ZNF385B: variants seen among roughly 807,000 people sequenced by gnomAD.
ZNF385B encodes zinc finger protein 533.
Under a neutral mutation model 39.2 loss-of-function variants are expected in ZNF385B, and 23 were observed. The observed-to-expected ratio is 0.59, with a 90% CI of 0.42 to 0.83. The LOEUF is 0.83. Ranked by LOEUF, ZNF385B falls within the 40% of genes least tolerant of loss-of-function variation. The probability of loss-of-function intolerance (pLI) is 0.00; values close to 1 mark genes in which losing one functional copy is unlikely to be tolerated. For synonymous variants in ZNF385B, 205 were observed against 222.6 expected, an observed-to-expected ratio of 0.92 and a Z score of 0.70; for missense variants, 552 against 598.9, an observed-to-expected ratio of 0.92 and a Z score of 0.82.
intron 3 of ZNF385B, among the ~76,000 whole-genome samples, chr2:179,693,338 G>A (rs566493129): frequency 1.1e-4 from 17 of 152,274 alleles, no homozygotes; most frequent in African/African-American, 4.1e-4. Context: ...CTGAATGACT[G>A]AAGGGAGAAG....
chr2:179,802,810 C>T (rs1706115159), intron 1 of ZNF385B: 1 of 152,108 alleles, frequency 6.6e-6, no homozygotes, highest in Non-Finnish European at 1.5e-5. Flanking sequence ...CTCCATGATA[C>T]TATGCTGCTT....
intron 3 of ZNF385B, among the ~76,000 whole-genome samples, chr2:179,560,377 CT>C (rs1393875853): frequency 6.6e-6 from 1 of 152,158 alleles, no homozygotes; most frequent in African/African-American, 2.4e-5. Context: ...GTTCCCTTTG[CT>C]TTAAAAGACA....
At chr2:179,728,362 T>C (rs139824484) in intron 3 of ZNF385B, among the ~76,000 whole-genome samples, 1 of 152,106 alleles carries the variant, frequency 6.6e-6, no homozygotes, top group Non-Finnish European at 1.5e-5. Flanking sequence ...AAAAAATTAG[T>C]CTCAATTCCT....
chr2:179,663,184 A>G (rs1694701656), intron 3 of ZNF385B, among the ~76,000 whole-genome samples: 1 of 152,194 alleles, frequency 6.6e-6, no homozygotes, highest in South Asian at 2.1e-4. Context: ...TATTTAAGTT[A>G]TTGTTTTCAT....
chr2:179,534,870 G>A (rs1197621719), intron 4 of ZNF385B: 1 of 152,176 alleles, frequency 6.6e-6, no homozygotes, highest in Non-Finnish European at 1.5e-5. Context: ...GTAGGATATA[G>A]TTGATGAATG....
chr2:179,651,669 C>G (rs1373440493), intron 3 of ZNF385B, among the ~76,000 whole-genome samples: 1 of 152,052 alleles, frequency 6.6e-6, no homozygotes, highest in Non-Finnish European at 1.5e-5. Flanking sequence ...AAGACAGTCC[C>G]CGAGACTGAT....
intron 3 of ZNF385B, among the ~76,000 whole-genome samples, chr2:179,575,632 T>C (rs758048559): frequency 6.6e-6 from 1 of 152,120 alleles, no homozygotes; most frequent in Non-Finnish European, 1.5e-5. Context: ...TGATTCTACC[T>C]ACTTTACTGC....
intron 3 of ZNF385B, among the ~76,000 whole-genome samples, chr2:179,590,742 G>A (rs1687485826): frequency 6.6e-6 from 1 of 152,008 alleles, no homozygotes; most frequent in Admixed American, 6.6e-5. Context: ...GGAGTTCTCA[G>A]GAGATCTGAT....
chr2:179,699,935 C>T (rs755495784), intron 3 of ZNF385B, among the ~76,000 whole-genome samples: 7 of 152,122 alleles, frequency 4.6e-5, no homozygotes, highest in Non-Finnish European at 8.8e-5. Flanking sequence ...CACTCACCTT[C>T]AGAACTTTTT....
intron 3 of ZNF385B, among the ~76,000 whole-genome samples, chr2:179,632,343 C>T (rs1691310580): frequency 6.6e-6 from 1 of 152,182 alleles, no homozygotes; most frequent in Non-Finnish European, 1.5e-5. Context: ...GATATCACAA[C>T]AAACTGTCTC....
At chr2:179,458,159 C>T (rs1394153805) in intron 6 of ZNF385B, among the ~76,000 whole-genome samples, 2 of 152,152 alleles carry the variant, frequency 1.3e-5, no homozygotes, top group Admixed American at 6.5e-5. Flanking sequence ...TGTGTCGCCA[C>T]CCAATCTCAT....
intron 3 of ZNF385B, among the ~76,000 whole-genome samples, chr2:179,609,724 T>A (rs1450305215): frequency 1.3e-5 from 2 of 152,224 alleles, no homozygotes; most frequent in African/African-American, 4.8e-5. Context: ...TCTCTCCATA[T>A]CCTTGCCAGC....
intron 1 of ZNF385B, among the ~76,000 whole-genome samples, chr2:179,808,132 A>G (rs1415294172): frequency 6.6e-6 from 1 of 151,752 alleles, no homozygotes; most frequent in Non-Finnish European, 1.5e-5. Context: ...TCCCAGGTTC[A>G]CGCCATTCTC....
At chr2:179,795,428 G>A (rs751045476) in intron 1 of ZNF385B, among the ~76,000 whole-genome samples, 1 of 152,108 alleles carries the variant, frequency 6.6e-6, no homozygotes, top group Non-Finnish European at 1.5e-5. Flanking sequence ...AACTGTGGTG[G>A]GGAGTTTTGT....
At chr2:179,671,626 G>A (rs1696012509) in intron 3 of ZNF385B, among the ~76,000 whole-genome samples, 1 of 152,174 alleles carries the variant, frequency 6.6e-6, no homozygotes, top group African/African-American at 2.4e-5. Context: ...CAGTAGAAGG[G>A]AGGTAGGTAG....
intron 4 of ZNF385B, among the ~76,000 whole-genome samples, chr2:179,537,861 T>A (rs1298090832): frequency 6.6e-6 from 1 of 152,170 alleles, no homozygotes. Context: ...GTACCACATT[T>A]CAAAGATTCC....
chr2:179,501,131 A>C (rs1487767566), intron 5 of ZNF385B, among the ~76,000 whole-genome samples: 3 of 152,214 alleles, frequency 2.0e-5, no homozygotes. Flanking sequence ...ACCCTTGTGC[A>C]CTATTGGTGG....
At chr2:179,694,835 C>T (rs1162171749) in intron 3 of ZNF385B, among the ~76,000 whole-genome samples, 1 of 152,078 alleles carries the variant, frequency 6.6e-6, no homozygotes, top group Non-Finnish European at 1.5e-5. Context: ...GAGGCTGAGG[C>T]AGGAGAATCT....
At chr2:179,857,498 G>A (rs953672553) in intron 1 of ZNF385B, among the ~76,000 whole-genome samples, 3 of 152,204 alleles carry the variant, frequency 2.0e-5, no homozygotes, top group African/African-American at 7.2e-5. Context: ...GGAAATAATT[G>A]TAGGGAAGTG....
Sources: gnomAD v4.1 joint callset for allele counts (sites outside exome capture counted in the v4.1 genomes callset) on GRCh38, gnomAD v4.1.1 for gene constraint, MANE v1.5 for transcripts, NCBI Gene and HGNC (gene_info 2026-07-23, HGNC 2026-07-21) for gene names.